Variants in CTNNA3 observed in about 807,000 individuals in gnomAD.
CTNNA3 encodes catenin alpha 3.
CTNNA3 carries 76 observed loss-of-function variants against 95.7 expected under a neutral mutation model. The observed-to-expected ratio is 0.79, with a 90% CI of 0.66 to 0.96. The LOEUF is 0.96. Ranked by LOEUF, CTNNA3 falls within the 40% of genes least tolerant of loss-of-function variation. CTNNA3 has a pLI of 0.00. For missense variants in CTNNA3, 1,191 were observed against 1,089.8 expected, an observed-to-expected ratio of 1.09 and a Z score of -1.31; for synonymous variants, 431 against 374.4, an observed-to-expected ratio of 1.15 and a Z score of -1.74.
At chr10:66,862,034 G>A (rs1843952099) in intron 7 of CTNNA3, among the ~76,000 whole-genome samples, 1 of 152,070 alleles carries the variant, frequency 6.6e-6, no homozygotes, top group Non-Finnish European at 1.5e-5. Context: ...GACTGATATG[G>A]TGAAAAACCG....
chr10:65,943,057 T>C (rs1028109630), intron 17 of CTNNA3, among the ~76,000 whole-genome samples: 6 of 147,914 alleles, frequency 4.1e-5, no homozygotes, highest in Non-Finnish European at 7.5e-5. Flanking sequence ...GTTATGTCTT[T>C]TTTTCTTTTT....
chr10:67,549,723 A>C (rs990008772), intron 3 of CTNNA3, among the ~76,000 whole-genome samples: 1 of 152,224 alleles, frequency 6.6e-6, no homozygotes, highest in African/African-American at 2.4e-5. Context: ...GGAAAAAATC[A>C]AAAGAATAAT....
intron 6 of CTNNA3, among the ~76,000 whole-genome samples, chr10:67,183,583 A>G (rs933141588): frequency 1.3e-5 from 2 of 152,044 alleles, no homozygotes; most frequent in Non-Finnish European, 2.9e-5. Context: ...AGATATACCT[A>G]ATGTTAAATG....
chr10:67,571,798 C>T (rs1274467039), intron 3 of CTNNA3, among the ~76,000 whole-genome samples: 1 of 152,080 alleles, frequency 6.6e-6, no homozygotes, highest in Admixed American at 6.6e-5. Flanking sequence ...TGCATGTGGC[C>T]GCTGAGCACT....
At chr10:66,959,124 T>C (rs1253395935) in intron 7 of CTNNA3, among the ~76,000 whole-genome samples, 3 of 152,184 alleles carry the variant, frequency 2.0e-5, no homozygotes, top group Non-Finnish European at 4.4e-5. Context: ...TCTGCTGCTA[T>C]TTTACACCCT....
In CTNNA3 at chr10:65,970,675, A is replaced by C. The variant is rs1002815106; in HGVS notation, c.2266-3929T>G. On this transcript the variant is annotated intron_variant, in intron 16 of 17. Transcript: ENST00000433211. ...TTAAAATATATTTAAAATATAATAT[A>C]TATAACATATTAGGTAAAATATATG... Among the ~76,000 whole-genome samples, 126 of 148,302 alleles carry C rather than the reference A, an allele frequency of 8.5e-4. 1 individual carries two copies. Among genetic ancestry groups the C allele is most frequent in the African/African-American group, 2.9e-3 (118 of 40,964 alleles).
At position 67,581,210 on chromosome 10, in the gene CTNNA3, A is replaced by C. The variant is rs551523108; in HGVS notation, c.292+25647T>G. On this transcript the variant is annotated intron_variant, in intron 3 of 17. Coordinates refer to ENST00000433211, the MANE Select transcript of CTNNA3 (RefSeq NM_013266.4). The stretch of plus-strand genomic sequence containing the variant: ...GGCTGTAGGTTTCTCATAAATAGCT[A>C]TTATTATTTTGAGATATGTCCCATC... 4.6e-5 allele frequency among the ~76,000 whole-genome samples: 7 copies of C among 152,132 alleles called. No homozygotes were observed. The South Asian group carries it at 1.0e-3, about 23-fold the overall frequency.
intron 17 of CTNNA3, among the ~76,000 whole-genome samples, chr10:65,927,631 GTTTAT>G (rs890866329): frequency 5.9e-5 from 9 of 152,150 alleles, no homozygotes; most frequent in Admixed American, 4.6e-4. Context: ...TGTACCAGTA[GTTTAT>G]TTTATTTATT....
chr10:67,488,755 C>T (rs563323984), intron 5 of CTNNA3, among the ~76,000 whole-genome samples: 1 of 150,074 alleles, frequency 6.7e-6, no homozygotes, highest in South Asian at 2.1e-4. Context: ...CTGCAACCTC[C>T]GGCTCCCAGG....
At chr10:66,851,040 T>C (rs10822927) in intron 7 of CTNNA3, among the ~76,000 whole-genome samples, 87,646 of 151,898 alleles carry the variant, frequency 0.58, 26,320 homozygotes, top group Non-Finnish European at 0.63. Flanking sequence ...TTTAATGCCC[T>C]GTGAAAGAAA....
chr10:66,128,234 C>A (rs2082914209), intron 13 of CTNNA3, among the ~76,000 whole-genome samples: 1 of 152,004 alleles, frequency 6.6e-6, no homozygotes, highest in Admixed American at 6.6e-5. Context: ...AATCTGTTTA[C>A]AAATGCAATA....
intron 9 of CTNNA3, among the ~76,000 whole-genome samples, chr10:66,722,426 G>T (rs1848659144): frequency 1.3e-5 from 2 of 151,552 alleles, no homozygotes; most frequent in South Asian, 4.2e-4. Context: ...CATAAACAGA[G>T]AATTGGTGCT....
At chr10:66,800,739 C>G (rs1234711487) in intron 7 of CTNNA3, among the ~76,000 whole-genome samples, 2 of 150,720 alleles carry the variant, frequency 1.3e-5, no homozygotes, top group African/African-American at 4.9e-5. Flanking sequence ...TTGAAGTTAC[C>G]CCCATTAAGT....
intron 13 of CTNNA3, among the ~76,000 whole-genome samples, chr10:66,124,029 C>T (rs573569910): frequency 2.4e-4 from 36 of 152,214 alleles, no homozygotes; most frequent in East Asian, 5.8e-4. Context: ...TCATTACTTA[C>T]GCAAATTTCT....
intron 13 of CTNNA3, among the ~76,000 whole-genome samples, chr10:66,222,580 A>C (rs1395109827): frequency 6.8e-6 from 1 of 147,832 alleles, no homozygotes; most frequent in Non-Finnish European, 1.5e-5. Flanking sequence ...GAAAGAAAGA[A>C]GGAAAGAAAA....
chr10:67,131,520 A>G lies in CTNNA3; in HGVS notation c.1047+48797T>C, dbSNP rs1484096429. 3.9e-5 allele frequency among the ~76,000 whole-genome samples: 6 copies of G among 152,190 alleles called. No individual in the cohort carries two copies. In the East Asian group the frequency reaches 1.2e-3, roughly 29 times the overall value. On this transcript the variant is annotated intron_variant, in intron 7 of 17. Transcript: ENST00000433211. ...GGCAGTCATTATGCCGGGTGTTGGT[A>G]GACCATTGGTGAACAAAGGAGGCTT... is the stretch of plus-strand genomic sequence containing the variant.
chr10:66,647,145 T>G (rs947967129), intron 9 of CTNNA3, among the ~76,000 whole-genome samples: 3 of 152,194 alleles, frequency 2.0e-5, no homozygotes, highest in Non-Finnish European at 2.9e-5. Flanking sequence ...TCAATCATGT[T>G]TGGTAAAAGA....
intron 17 of CTNNA3, among the ~76,000 whole-genome samples, chr10:65,935,146 T>G (rs2077315429): frequency 6.6e-6 from 1 of 152,192 alleles, no homozygotes; most frequent in Admixed American, 6.6e-5. Flanking sequence ...TAGAAAATTT[T>G]TGGCTACAAC....
intron 7 of CTNNA3, among the ~76,000 whole-genome samples, chr10:67,134,201 G>A (rs12254986): frequency 6.6e-6 from 1 of 152,090 alleles, no homozygotes; most frequent in African/African-American, 2.4e-5. Context: ...GTAAATTAAA[G>A]AATTCTGAGA....
Sources: gnomAD v4.1 joint callset for allele counts (sites outside exome capture counted in the v4.1 genomes callset) on GRCh38, gnomAD v4.1.1 for gene constraint, MANE v1.5 for transcripts, NCBI Gene and HGNC (gene_info 2026-07-23, HGNC 2026-07-21) for gene names.